The following FBXO15 variants were observed in gnomAD, a reference collection of about 807,000 sequenced individuals.
FBXO15 encodes the protein F-box only protein 15.
A neutral mutation model predicts 49.5 loss-of-function variants in FBXO15; 30 were observed. The ratio of observed to expected loss-of-function variants is 0.61; its 90% CI spans 0.45 to 0.82. FBXO15 has a LOEUF of 0.82. Ranked by LOEUF, FBXO15 falls within the 40% of genes least tolerant of loss-of-function variation. The pLI, the probability that FBXO15 is intolerant of heterozygous loss-of-function variation, is 0.00. For synonymous variants in FBXO15, 250 were observed against 232.7 expected, an observed-to-expected ratio of 1.07 and a Z score of -0.68; for missense variants, 591 against 631.5, an observed-to-expected ratio of 0.94 and a Z score of 0.69.
intron 8 of FBXO15, among the ~76,000 whole-genome samples, chr18:74,117,170 C>T (rs1337938894): frequency 1.3e-5 from 2 of 152,112 alleles, no homozygotes; most frequent in African/African-American, 4.8e-5. Flanking sequence ...GGCAACAGCA[C>T]CCTCTGCTGA....
chr18:74,140,852 A>C (rs1194732305), intron 1 of FBXO15: 2 of 152,290 alleles, frequency 1.3e-5, no homozygotes, highest in Admixed American at 1.3e-4. Context: ...TGATTAGCCA[A>C]TTTGGATAAA....
chr18:74,084,056 C>A (rs1912617888), intron 8 of FBXO15, among the ~76,000 whole-genome samples: 1 of 152,210 alleles, frequency 6.6e-6, no homozygotes, highest in Admixed American at 6.5e-5. Flanking sequence ...AAACCCTGTT[C>A]TGTGTCCAGA....
At chr18:74,089,094 C>T (rs1486490862) in intron 8 of FBXO15, among the ~76,000 whole-genome samples, 1 of 152,132 alleles carries the variant, frequency 6.6e-6, no homozygotes, top group Non-Finnish European at 1.5e-5. Flanking sequence ...TATTAAGCCC[C>T]ACATGCCTTA....
rs544772811 is a variant in FBXO15, at chr18:74,088,099, G to A, written c.1139-6048C>T. Among the ~76,000 whole-genome samples, 5 of 152,228 alleles carry A rather than the reference G, an allele frequency of 3.3e-5. No homozygotes were observed. In the South Asian group the frequency reaches 8.3e-4, roughly 25 times the overall value. On this transcript the variant is annotated intron_variant, in intron 8 of 9. Transcript: ENST00000419743. ...TGAATTTAAGTTCCTTACAGATGCT[G>A]GATGTTAGACCTTTATCAAATGCAC...
chr18:74,084,492 T>C (rs755293891), intron 8 of FBXO15, among the ~76,000 whole-genome samples: 5 of 152,250 alleles, frequency 3.3e-5, no homozygotes, highest in Non-Finnish European at 4.4e-5. Flanking sequence ...ATACTGCTGA[T>C]AGTTTCACAA....
intron 9 of FBXO15, 147 bp downstream of exon 9, chr18:74,081,780 C>T: frequency 1.7e-6 from 1 of 592,508 alleles, no homozygotes; most frequent in Non-Finnish European, 2.7e-6. Context: ...ACAGAATGTG[C>T]ACCAACCTTC....
In FBXO15 at chr18:74,147,705, G is replaced by A. The variant is rs1242872804; in HGVS notation, c.81C>T (p.Gly27=). The part of the protein sequence containing the change: ...QTLRGPSRGG[G]AARGRARAFG... The stretch of plus-strand genomic sequence containing the variant: ...AGGCCCTGGCGCGCCCCCGGGCCGC[G>A]CCACCGCCCCTGCTGGGCCCGCGCA... The change falls in exon 1 of 10, where the codon GGC becomes GGT. Residue 27 remains glycine, a synonymous_variant. Coordinates refer to ENST00000419743, the MANE Select transcript of FBXO15 (RefSeq NM_001142958.2). The A allele has an allele frequency of 2.0e-6, 3 of 1,516,374 alleles. No individual in the cohort carries two copies. The highest frequency in any genetic ancestry group is 8.8e-7 in the Non-Finnish European group (1 of 1,135,186). The allele number at this position is 1,516,374 out of a possible 1,614,324, so 93.9% of individuals were successfully genotyped here. A position where few individuals can be genotyped will look rare whatever the true frequency, so the allele number is the denominator to read the frequency against.
At chr18:74,078,789 G>C (rs188827580) in intron 9 of FBXO15, 1 of 152,386 alleles carries the variant, frequency 6.6e-6, no homozygotes. Flanking sequence ...CCTCACCTGC[G>C]CTCCCATGGA....
chr18:74,085,937 A>C (rs1394413675), intron 8 of FBXO15, among the ~76,000 whole-genome samples: 1 of 152,240 alleles, frequency 6.6e-6, no homozygotes, highest in Non-Finnish European at 1.5e-5. Context: ...ATTAGATTTC[A>C]TCAAATGAGA....
rs1383381096 is a variant in FBXO15 at position 74,074,021 on chromosome 18, C to T, written c.1264-291G>A. Reference sequence around the variant, plus strand: ...GTGTCACAAATATTGTCCCTCTCCTCATGGAAGTTAAAGTACAGTGGCTAC... The same window carrying T: ...GTGTCACAAATATTGTCCCTCTCCTTATGGAAGTTAAAGTACAGTGGCTAC... On this transcript the variant is annotated intron_variant, in intron 9 of 9. Coordinates refer to ENST00000419743, the MANE Select transcript of FBXO15 (RefSeq NM_001142958.2). This position sits in a 1 kb window ranked among gnomAD's most constrained non-coding sequence, Gnocchi z 4.7. Among the ~76,000 whole-genome samples the T allele has an allele frequency of 6.6e-6, 1 of 152,180 alleles. No homozygotes were observed. The highest frequency in any genetic ancestry group is 2.4e-5 in the African/African-American group (1 of 41,450).
At chr18:74,104,178 C>T (rs1023805255) in intron 8 of FBXO15, among the ~76,000 whole-genome samples, 5 of 151,964 alleles carry the variant, frequency 3.3e-5, no homozygotes, top group South Asian at 2.1e-4. Context: ...TCTTTATTTG[C>T]GTCTATTCTT....
intron 8 of FBXO15, among the ~76,000 whole-genome samples, chr18:74,082,704 C>T (rs1912557666): frequency 6.6e-6 from 1 of 152,120 alleles, no homozygotes; most frequent in Non-Finnish European, 1.5e-5. Context: ...AGCCGCAGCA[C>T]CACTCGGTCT....
intron 8 of FBXO15, among the ~76,000 whole-genome samples, chr18:74,089,734 T>C (rs1912934253): frequency 2.0e-5 from 3 of 152,228 alleles, no homozygotes; most frequent in Admixed American, 2.0e-4. Context: ...GATTTGCATA[T>C]GTTGAACCAA....
At chr18:74,094,731 G>A (rs78258420) in intron 8 of FBXO15, among the ~76,000 whole-genome samples, 1,798 of 152,314 alleles carry the variant, frequency 0.012, 17 homozygotes, top group South Asian at 0.041. Flanking sequence ...GGTAAAAGAG[G>A]ATTGGCTTGA....
chr18:74,098,095 C>A lies in FBXO15; in HGVS notation c.1139-16044G>T, dbSNP rs141856072. 788 of 152,336 alleles carry A rather than the reference C, an allele frequency of 5.2e-3. 1 individual carries two copies. The highest frequency in any genetic ancestry group is 8.6e-3 in the Admixed American group (131 of 15,294). The allele number at this position is 152,336 out of a possible 1,614,324, so 9.4% of individuals were successfully genotyped here. ...CAGAGAGTACTACATCAAGAGAACA[C>A]CCCATGGGACAAAAGAATCTGAACA... On this transcript the variant is annotated intron_variant, in intron 8 of 9. Coordinates refer to ENST00000419743, the MANE Select transcript of FBXO15 (RefSeq NM_001142958.2).
chr18:74,139,411 C>T (rs1978924804), intron 2 of FBXO15, among the ~76,000 whole-genome samples: 1 of 152,190 alleles, frequency 6.6e-6, no homozygotes, highest in Non-Finnish European at 1.5e-5. Context: ...GTAAAACAGC[C>T]TATTCCCAGA....
rs757587097 is a variant in FBXO15, at chr18:74,073,713, G to A, written c.1281C>T (p.Asp427=). ...DGCIKSCSMM[D]VTLLDEHGKP... is the part of the protein sequence containing the mutation. ...TCCCATGTTCATCCAAAAGAGTTAC[G>A]TCCATCATGGAACAACTCTGCAAAA... Residue 427 remains aspartate, a synonymous_variant, in exon 10 of 10, where the codon GAC becomes GAT. Coordinates refer to ENST00000419743, the MANE Select transcript of FBXO15 (RefSeq NM_001142958.2). 6.8e-6 allele frequency: 11 copies of A among 1,613,042 alleles called. No homozygotes were observed. Among genetic ancestry groups the A allele is most frequent in the African/African-American group, 5.3e-5 (4 of 74,868 alleles).
At chr18:74,135,014 A>G (rs1978629280) in intron 3 of FBXO15, among the ~76,000 whole-genome samples, 1 of 152,114 alleles carries the variant, frequency 6.6e-6, no homozygotes, top group Admixed American at 6.5e-5. Context: ...GGGGCCTAAA[A>G]AGCCAAGATG....
intron 1 of FBXO15, among the ~76,000 whole-genome samples, chr18:74,145,126 A>G (rs1454248971): frequency 1.3e-5 from 2 of 152,208 alleles, no homozygotes; most frequent in Non-Finnish European, 2.9e-5. Context: ...ACCCTAATTC[A>G]GTAACGAATG....
Sources: gnomAD v4.1 joint callset for allele counts (sites outside exome capture counted in the v4.1 genomes callset) on GRCh38, gnomAD v4.1.1 for gene constraint, Gnocchi (gnomAD v3.1) non-coding constraint, MANE v1.5 for transcripts, NCBI Gene and HGNC (gene_info 2026-07-23, HGNC 2026-07-21) for gene names.